Variants in GPR183 observed in about 807,000 individuals in gnomAD.
The protein encoded by GPR183 is G protein-coupled receptor 183, also known as EBV-induced G-protein coupled receptor 2.
Under a neutral mutation model 19.7 loss-of-function variants are expected in GPR183, and 9 were observed. The ratio of observed to expected loss-of-function variants is 0.46; its 90% CI spans 0.28 to 0.80. The LOEUF (loss-of-function observed/expected upper bound fraction) is 0.80, where lower values mean the gene tolerates loss of function less well. GPR183 is among the 30% of genes least tolerant of loss of function. The pLI, the probability that GPR183 is intolerant of heterozygous loss-of-function variation, is 0.13. For missense variants in GPR183, 368 were observed against 446.7 expected (o/e 0.82, Z 1.59); for synonymous variants, 160 against 155.1 (o/e 1.03, Z -0.24).
chr13:99,302,447 C>T (rs1205350441), intron 1 of GPR183, among the ~76,000 whole-genome samples: 1 of 152,170 alleles, frequency 6.6e-6, no homozygotes, highest in African/African-American at 2.4e-5. Flanking sequence ...CAAACCTGCT[C>T]CAGGGAAGAA....
intron 1 of GPR183, among the ~76,000 whole-genome samples, chr13:99,299,824 G>T (rs1008990689): frequency 6.6e-6 from 1 of 152,102 alleles, no homozygotes; most frequent in Non-Finnish European, 1.5e-5. Context: ...CTACTTCGCA[G>T]GTGATAAAAC....
rs2044142611 is a variant in GPR183, at chr13:99,294,768, TTTTTTATTAAAACAAAAC to T, written c.*274_*291del. 4.4e-6 allele frequency: 1 copy of T among 229,354 alleles called. No individual in the cohort carries two copies. The highest frequency in any genetic ancestry group is 8.5e-6 in the Non-Finnish European group (1 of 117,678). The allele number at this position is 229,354 out of a possible 1,614,324, so 14.2% of individuals were successfully genotyped here. A position where few individuals can be genotyped will look rare whatever the true frequency, so the allele number is the denominator to read the frequency against. On this transcript the variant is annotated 3_prime_UTR_variant, in exon 2 of 2. Coordinates refer to ENST00000376414, the MANE Select transcript of GPR183 (RefSeq NM_004951.5). ...TTGTTGGCAAGAAATAATAATTAAA[TTTTTTATTAAAACAAAAC>T]TTTTTACATTGGGAGTTATTAAGAG...
intron 1 of GPR183, among the ~76,000 whole-genome samples, chr13:99,300,512 TATATC>T (rs1165530431): frequency 6.6e-6 from 1 of 152,240 alleles, no homozygotes; most frequent in Non-Finnish European, 1.5e-5. Context: ...ATCCCATTCT[TATATC>T]AGCCAGTCCC....
chr13:99,299,496 A>C lies in GPR183; in HGVS notation c.-18-3333T>G, dbSNP rs181627977. ...CACACAGAAAGATGTCTGTATGCCA[A>C]AACATAATTTTGTATGAGTAATTTT... On this transcript the variant is annotated intron_variant, in intron 1 of 1. Coordinates refer to ENST00000376414, the MANE Select transcript of GPR183 (RefSeq NM_004951.5). 3.9e-5 allele frequency among the ~76,000 whole-genome samples: 6 copies of C among 152,302 alleles called. No individual in the cohort carries two copies. In the East Asian group the frequency reaches 1.2e-3, roughly 29 times the overall value.
intron 1 of GPR183, among the ~76,000 whole-genome samples, chr13:99,301,883 G>A (rs1428802838): frequency 1.3e-5 from 2 of 152,162 alleles, no homozygotes; most frequent in Non-Finnish European, 2.9e-5. Flanking sequence ...GGTTTTTGCT[G>A]AAATGTCACC....
intron 1 of GPR183, among the ~76,000 whole-genome samples, chr13:99,298,216 C>T (rs1265340787): frequency 6.6e-6 from 1 of 152,106 alleles, no homozygotes; most frequent in Non-Finnish European, 1.5e-5. Context: ...AGAACTTGTA[C>T]TGAAGACACA....
intron 1 of GPR183, among the ~76,000 whole-genome samples, chr13:99,304,205 C>T (rs1040253287): frequency 6.6e-6 from 1 of 152,192 alleles, no homozygotes; most frequent in Non-Finnish European, 1.5e-5. Context: ...TACTTAGAAC[C>T]TTTGGATATC....
At chr13:99,298,531 TA>T (rs2044210302) in intron 1 of GPR183, among the ~76,000 whole-genome samples, 1 of 152,082 alleles carries the variant, frequency 6.6e-6, no homozygotes, top group Non-Finnish European at 1.5e-5. Context: ...TGCATTTATT[TA>T]AAAAAGGAAA....
chr13:99,303,657 GCT>G (rs1242966039), intron 1 of GPR183, among the ~76,000 whole-genome samples: 1 of 152,240 alleles, frequency 6.6e-6, no homozygotes, highest in East Asian at 1.9e-4. Context: ...TTATAATGAA[GCT>G]CTGTGTCTAT....
In GPR183 at chr13:99,295,886, C is replaced by T. The variant is rs1223881941; in HGVS notation, c.260G>A (p.Arg87Gln). The T allele has an allele frequency of 3.1e-6, 5 of 1,610,858 alleles. No individual in the cohort carries two copies. Among genetic ancestry groups the T allele is most frequent in the Non-Finnish European group, 4.2e-6 (5 of 1,178,226 alleles). The change falls in exon 2 of 2, where the codon CGA becomes CAA. Residue 87 changes from arginine to glutamine, a missense_variant. Physicochemically the swap from Arg to Gln is conservative, Grantham distance 43. Transcript: ENST00000376414. The surrounding 1 kb of genome is among the most constrained non-coding windows in gnomAD (Gnocchi z 4.1). Reference protein sequence around the residue: ...DILFTTALPTRIAYYAMGFDW... With the variant: ...DILFTTALPTQIAYYAMGFDW... The stretch of plus-strand genomic sequence containing the variant: ...AAAGCCCATTGCATAGTAGGCTATT[C>T]GTGTAGGCAAAGCGGTGGTAAAAAG...
rs1213154612 is a variant in GPR183 at position 99,295,723 on chromosome 13, CTTG to C, written c.420_422del (p.Asn140del). On this transcript the variant is annotated inframe_deletion, in exon 2 of 2. Coordinates refer to ENST00000376414, the MANE Select transcript of GPR183 (RefSeq NM_004951.5). The surrounding 1 kb of genome is among the most constrained non-coding windows in gnomAD (Gnocchi z 4.1). ...CTTTTGCATGTTCAATCCTTTTTAT[CTTG>C]TTGTAGCGTAGAGGGTGCACCACAG... 24 of 1,614,028 alleles carry C rather than the reference CTTG, an allele frequency of 1.5e-5. No individual in the cohort carries two copies. Among genetic ancestry groups the C allele is most frequent in the Non-Finnish European group, 1.9e-5 (23 of 1,180,020 alleles).
chr13:99,299,926 C>T (rs1300201886), intron 1 of GPR183, among the ~76,000 whole-genome samples: 1 of 152,204 alleles, frequency 6.6e-6, no homozygotes, highest in African/African-American at 2.4e-5. Context: ...TGCTAGATCC[C>T]TCTCTGTGAT....
chr13:99,303,745 A>G lies in GPR183; in HGVS notation c.-19+3595T>C, dbSNP rs149510228. 2.4e-4 allele frequency among the ~76,000 whole-genome samples: 36 copies of G among 152,252 alleles called. No homozygotes were observed. The East Asian group carries it at 6.9e-3, about 29-fold the overall frequency. ...TCTCTTTCAAGTTCAAGGAGTTTCA[A>G]TTTTGTTTTTGTCTCTTATCAGATG... On this transcript the variant is annotated intron_variant, in intron 1 of 1. Transcript: ENST00000376414.
At chr13:99,303,609 G>A (rs927580821) in intron 1 of GPR183, among the ~76,000 whole-genome samples, 1 of 152,188 alleles carries the variant, frequency 6.6e-6, no homozygotes, top group African/African-American at 2.4e-5. Context: ...TTTGTAGGAT[G>A]CAGCATGTGG....
intron 1 of GPR183, among the ~76,000 whole-genome samples, chr13:99,302,447 C>A (rs1205350441): frequency 2.0e-5 from 3 of 152,170 alleles, no homozygotes; most frequent in Non-Finnish European, 4.4e-5. Flanking sequence ...CAAACCTGCT[C>A]CAGGGAAGAA....
At chr13:99,306,701 G>A (rs1010476525) in intron 1 of GPR183, among the ~76,000 whole-genome samples, 5 of 152,068 alleles carry the variant, frequency 3.3e-5, no homozygotes, top group African/African-American at 7.2e-5. Context: ...GAAAAGATAC[G>A]TTTAGTCTAA....
rs535884782 is a variant in GPR183, at chr13:99,303,243, A to C, written c.-19+4097T>G. ...CTTCAAGACTGAAAAAGGGTTTAGC[A>C]GTCTACTGTTTCCTCTTTGTGCTTT... On this transcript the variant is annotated intron_variant, in intron 1 of 1. Transcript: ENST00000376414. 2.0e-5 allele frequency among the ~76,000 whole-genome samples: 3 copies of C among 152,360 alleles called. No homozygotes were observed. In the East Asian group the frequency reaches 5.8e-4, roughly 29 times the overall value.
chr13:99,301,022 T>C (rs1385610548), intron 1 of GPR183, among the ~76,000 whole-genome samples: 1 of 152,248 alleles, frequency 6.6e-6, no homozygotes, highest in Non-Finnish European at 1.5e-5. Context: ...AGTATTATCA[T>C]TTATCATTGT....
At chr13:99,301,830 T>C (rs768045727) in intron 1 of GPR183, among the ~76,000 whole-genome samples, 4 of 152,254 alleles carry the variant, frequency 2.6e-5, no homozygotes, top group Non-Finnish European at 5.9e-5. Flanking sequence ...ACAAAACCTT[T>C]ACCATATTCG....
Sources: allele counts gnomAD v4.1 joint callset (sites outside exome capture counted in the v4.1 genomes callset), GRCh38; gene constraint gnomAD v4.1.1; non-coding constraint Gnocchi (gnomAD v3.1); transcripts MANE v1.5; gene names NCBI Gene and HGNC (gene_info 2026-07-23, HGNC 2026-07-21).